The following SLC4A4 variants were observed in gnomAD, a reference collection of about 807,000 sequenced individuals.
SLC4A4 encodes the protein electrogenic sodium bicarbonate cotransporter 1.
In SLC4A4, 27 loss-of-function variants were observed where a neutral mutation model predicts 111.5. The ratio of observed to expected loss-of-function variants is 0.24; its 90% CI spans 0.18 to 0.33. SLC4A4 has a LOEUF of 0.33. SLC4A4 is among the 10% of genes least tolerant of loss of function. The pLI, the probability that SLC4A4 is intolerant of heterozygous loss-of-function variation, is 1.00. For missense variants in SLC4A4, 909 were observed against 1,315.5 expected (o/e 0.69, Z 4.78); for synonymous variants, 443 against 463.4 (o/e 0.96, Z 0.57).
intron 19 of SLC4A4, 77 bp downstream of exon 19, chr4:71,546,605 C>A: frequency 7.9e-7 from 1 of 1,267,596 alleles, no homozygotes; most frequent in East Asian, 2.4e-5. Context: ...AGGATATGGG[C>A]AGATTTGGAG....
At chr4:71,394,309 G>GAA (rs138053541) in intron 6 of SLC4A4, among the ~76,000 whole-genome samples, 14 of 150,148 alleles carry the variant, frequency 9.3e-5, no homozygotes, top group African/African-American at 3.4e-4. Flanking sequence ...AATTAGTAAG[G>GAA]AAAAAAAAAT....
At chr4:71,482,983 C>T (rs1386293213) in intron 14 of SLC4A4, among the ~76,000 whole-genome samples, 1 of 151,520 alleles carries the variant, frequency 6.6e-6, no homozygotes, top group Non-Finnish European at 1.5e-5. Context: ...AAAGTATACC[C>T]ATTATATGCT....
chr4:71,386,335 G>A (rs900639735), intron 6 of SLC4A4, among the ~76,000 whole-genome samples: 5 of 151,980 alleles, frequency 3.3e-5, no homozygotes, highest in Admixed American at 2.6e-4. Flanking sequence ...GTGATCTGAA[G>A]AAATATGTCC....
chr4:71,214,888 T>C (rs958585512), intron 1 of SLC4A4, among the ~76,000 whole-genome samples: 1 of 152,234 alleles, frequency 6.6e-6, no homozygotes, highest in African/African-American at 2.4e-5. Context: ...GGATTCACAG[T>C]TGATGCAGTA....
upstream of SLC4A4, among the ~76,000 whole-genome samples, chr4:71,183,206 T>A (rs892784265): frequency 4.6e-5 from 7 of 152,322 alleles, no homozygotes; most frequent in Middle Eastern, 3.4e-3. Context: ...TTAACTGAGA[T>A]AAGCTCCTGT....
In SLC4A4 at chr4:71,373,806, GA is replaced by G. The variant is rs774353961; in HGVS notation, c.730+16620del. Among the ~76,000 whole-genome samples, 5 of 152,176 alleles carry G rather than the reference GA, an allele frequency of 3.3e-5. No homozygotes were observed. In the East Asian group the frequency reaches 5.8e-4, roughly 18 times the overall value. On this transcript the variant is annotated intron_variant, in intron 6 of 25. Coordinates refer to ENST00000264485, the MANE Select transcript of SLC4A4 (RefSeq NM_001098484.3). The stretch of plus-strand genomic sequence containing the variant: ...GCGACTGTGGAAGTGGAAAGGAGGG[GA>G]TAATGCAAGAAATGTTATAGGAATG...
At chr4:71,261,652 G>T (rs1036955975) in intron 3 of SLC4A4, among the ~76,000 whole-genome samples, 2 of 152,194 alleles carry the variant, frequency 1.3e-5, no homozygotes, top group Admixed American at 6.5e-5. Context: ...AAGTCTCTTA[G>T]AGAGCCTTGA....
chr4:71,416,060 T>C lies in SLC4A4; in HGVS notation c.807+18407T>C, dbSNP rs74942130. 5.9e-3 allele frequency among the ~76,000 whole-genome samples: 899 copies of C among 152,370 alleles called. 47 individuals are homozygous for C. In the East Asian group the frequency reaches 0.12, roughly 21 times the overall value. ...AAGAACTGAGATTTTCTTCTAGCTC[T>C]GTCTAATTCCAAAGCTTATTCCTGT... On this transcript the variant is annotated intron_variant, in intron 7 of 25. Transcript: ENST00000264485.
intron 2 of SLC4A4, among the ~76,000 whole-genome samples, chr4:71,156,573 T>C (rs1296931997): frequency 1.2e-5 from 1 of 85,714 alleles, no homozygotes; most frequent in African/African-American, 2.9e-5. Flanking sequence ...TGTGCGCGCA[T>C]GCGCGCGCGC....
intron 3 of SLC4A4, among the ~76,000 whole-genome samples, chr4:71,287,474 T>G (rs539744339): frequency 1.3e-5 from 2 of 152,314 alleles, no homozygotes; most frequent in Admixed American, 1.3e-4. Context: ...TGTTGTTTGG[T>G]GTTTCGTTTA....
At chr4:71,528,475 A>G (rs947124987) in intron 16 of SLC4A4, among the ~76,000 whole-genome samples, 5 of 152,120 alleles carry the variant, frequency 3.3e-5, no homozygotes, top group Non-Finnish European at 7.4e-5. Context: ...TTTACAGAGT[A>G]TCTGCAGTAA....
At position 71,085,835 on chromosome 4, in the gene SLC4A4, C is replaced by T. The variant is rs1308968528; in HGVS notation, c.-64-6895C>T. On this transcript the variant is annotated intron_variant, in intron 1 of 26. Coordinates refer to the SLC4A4 transcript ENST00000649996. Reference sequence around the variant, plus strand: ...TGTAGTATAGTTCAAAGTCAGGTAGCGTGATGCCTCCAGCTTTGTTCTTTT... The same window carrying T: ...TGTAGTATAGTTCAAAGTCAGGTAGTGTGATGCCTCCAGCTTTGTTCTTTT... Among the ~76,000 whole-genome samples, 12 of 152,030 alleles carry T rather than the reference C, an allele frequency of 7.9e-5. No individual in the cohort carries two copies. In the South Asian group the frequency reaches 8.3e-4, roughly 11 times the overall value.
At chr4:71,252,320 C>T (rs1428274577) in intron 2 of SLC4A4, among the ~76,000 whole-genome samples, 3 of 152,140 alleles carry the variant, frequency 2.0e-5, no homozygotes, top group Non-Finnish European at 1.5e-5. Context: ...TGTATTACCC[C>T]ATCCACCAAA....
rs1456252787 is a variant in SLC4A4 at position 71,151,508 on chromosome 4, CT to C, written c.-2+58717del. ...TAATGACATTTAATGTCATTTTTACCTCTACTTATTTACTGTTTTTTAACAC... is the reference window on the plus strand; with the variant it reads ...TAATGACATTTAATGTCATTTTTACCCTACTTATTTACTGTTTTTTAACAC... On this transcript the variant is annotated intron_variant, in intron 2 of 26. Coordinates refer to the SLC4A4 transcript ENST00000649996. Among the ~76,000 whole-genome samples the C allele has an allele frequency of 5.3e-5, 8 of 152,052 alleles. No individual in the cohort carries two copies. In the South Asian group the frequency reaches 1.7e-3, roughly 32 times the overall value.
intron 13 of SLC4A4, among the ~76,000 whole-genome samples, chr4:71,468,880 A>G (rs1202840812): frequency 1.3e-5 from 2 of 152,002 alleles, no homozygotes; most frequent in Non-Finnish European, 2.9e-5. Context: ...TGTCTTGCCC[A>G]GATTTTCCCC....
At chr4:71,502,839 A>G (rs1461767609) in intron 16 of SLC4A4, among the ~76,000 whole-genome samples, 1 of 152,180 alleles carries the variant, frequency 6.6e-6, no homozygotes, top group African/African-American at 2.4e-5. Context: ...AAGGTCTGTT[A>G]GGTCCATTTG....
At chr4:71,537,706 A>AT (rs143374127) in intron 18 of SLC4A4, among the ~76,000 whole-genome samples, 4,100 of 148,022 alleles carry the variant, frequency 0.028, 193 homozygotes, top group African/African-American at 0.094. Flanking sequence ...TCTGTGGGGT[A>AT]TTTTTTTTTT....
At chr4:71,485,754 T>C (rs1209529900) in intron 14 of SLC4A4, among the ~76,000 whole-genome samples, 1 of 149,184 alleles carries the variant, frequency 6.7e-6, no homozygotes, top group African/African-American at 2.4e-5. Context: ...TTGTTTTTTT[T>C]CTTCCCCAAT....
At chr4:71,084,515 T>C (rs1326477758) in intron 1 of SLC4A4, among the ~76,000 whole-genome samples, 1 of 152,048 alleles carries the variant, frequency 6.6e-6, no homozygotes, top group Non-Finnish European at 1.5e-5. Context: ...TAACTCGTCA[T>C]TTAACATTAG....
Sources: gnomAD v4.1 joint callset for allele counts (sites outside exome capture counted in the v4.1 genomes callset) on GRCh38, gnomAD v4.1.1 for gene constraint, MANE v1.5 for transcripts, NCBI Gene and HGNC (gene_info 2026-07-23, HGNC 2026-07-21) for gene names.